Variants in USP49 observed in about 807,000 individuals in gnomAD.
The protein encoded by USP49 is ubiquitin carboxyl-terminal hydrolase 49.
Under a neutral mutation model 58.6 loss-of-function variants are expected in USP49, and 24 were observed. The observed-to-expected ratio is 0.41, with a 90% CI of 0.30 to 0.58. The LOEUF is 0.58. Among genes scored for constraint, USP49 ranks in the 20% least tolerant of loss-of-function variants. The pLI is 0.30. For synonymous variants in USP49, 408 were observed against 365.1 expected (o/e 1.12, Z -1.34); for missense variants, 703 against 866.1 (o/e 0.81, Z 2.36).
intron 3 of USP49, among the ~76,000 whole-genome samples, chr6:41,836,707 C>T (rs892815505): frequency 1.3e-5 from 2 of 152,034 alleles, no homozygotes; most frequent in African/African-American, 4.8e-5. Flanking sequence ...TAGTATCTGG[C>T]CAAAAGATCC....
rs1772872920 is a variant in USP49 at position 41,795,632 on chromosome 6, C to G, written c.*901G>C. On this transcript the variant is annotated 3_prime_UTR_variant, in exon 8 of 8. Coordinates refer to ENST00000682992, the MANE Select transcript of USP49 (RefSeq NM_001286554.2). ...GAAGTGAGAACGGGTGACAGGCCTT[C>G]AATAAGCCCTGGAGCATCAGCTATC... 6.6e-6 allele frequency: 1 copy of G among 152,206 alleles called. No homozygotes were observed. Among genetic ancestry groups the G allele is most frequent in the South Asian group, 2.1e-4 (1 of 4,830 alleles). 9.4% of individuals were successfully genotyped at this position (152,206 alleles called of 1,614,324 possible). A position where few individuals can be genotyped will look rare whatever the true frequency, so the allele number is the denominator to read the frequency against.
intron 3 of USP49, among the ~76,000 whole-genome samples, chr6:41,846,876 A>G (rs994345476): frequency 2.0e-5 from 3 of 152,208 alleles, no homozygotes; most frequent in African/African-American, 7.2e-5. Context: ...TCTATCTCAT[A>G]TGACTCAGAA....
chr6:41,802,472 T>A (rs57743147), intron 5 of USP49, among the ~76,000 whole-genome samples: 72 of 69,044 alleles, frequency 1.0e-3, no homozygotes, highest in East Asian at 6.1e-3. Flanking sequence ...TTATTTATTT[T>A]TTATTTATTT....
intron 2 of USP49, among the ~76,000 whole-genome samples, chr6:41,891,332 T>G (rs1031530555): frequency 6.6e-6 from 1 of 152,258 alleles, no homozygotes; most frequent in African/African-American, 2.4e-5. Flanking sequence ...TAGTATTATT[T>G]GTAATATAAG....
chr6:41,870,993 G>A (rs1774403886), intron 3 of USP49, among the ~76,000 whole-genome samples: 1 of 152,014 alleles, frequency 6.6e-6, no homozygotes, highest in Admixed American at 6.6e-5. Context: ...AGAGGTTGCA[G>A]TGAGCCACGA....
At chr6:41,872,089 C>T (rs1024413137) in intron 2 of USP49, among the ~76,000 whole-genome samples, 66 of 152,156 alleles carry the variant, frequency 4.3e-4, no homozygotes, top group Non-Finnish European at 7.3e-5. Flanking sequence ...GGTTTATGAC[C>T]TATATGTAAG....
intron 2 of USP49, among the ~76,000 whole-genome samples, chr6:41,879,972 T>C (rs1774574655): frequency 6.6e-6 from 1 of 152,314 alleles, no homozygotes; most frequent in East Asian, 1.9e-4. Flanking sequence ...CAGCCAAAGC[T>C]ATACTTTTAA....
intron 3 of USP49, among the ~76,000 whole-genome samples, chr6:41,860,324 G>C (rs1212908613): frequency 1.3e-5 from 2 of 151,164 alleles, no homozygotes; most frequent in African/African-American, 2.4e-5. Flanking sequence ...GAGAGACAGA[G>C]AGAAAAATAA....
At chr6:41,884,335 C>T (rs1774670843) in intron 2 of USP49, among the ~76,000 whole-genome samples, 1 of 152,144 alleles carries the variant, frequency 6.6e-6, no homozygotes, top group Non-Finnish European at 1.5e-5. Flanking sequence ...TAACATAGAT[C>T]TTAAAACATA....
rs1044423171 is a variant in USP49, at chr6:41,850,461, A to T, written c.-29+21103T>A. On this transcript the variant is annotated intron_variant, in intron 3 of 7. Transcript: ENST00000682992. The stretch of plus-strand genomic sequence containing the variant: ...CAGCCTCTAAGGAAAGAAAAAAAAA[A>T]AAAATAAATAAATAAATAATATAAA... Among the ~76,000 whole-genome samples the T allele has an allele frequency of 5.0e-4, 76 of 151,182 alleles. 2 individuals carry two copies. Among genetic ancestry groups the T allele is most frequent in the South Asian group, 4.2e-4 (2 of 4,796 alleles).
At chr6:41,881,846 AAATAAT>A (rs1489824319) in intron 2 of USP49, among the ~76,000 whole-genome samples, 1 of 152,162 alleles carries the variant, frequency 6.6e-6, no homozygotes, top group Non-Finnish European at 1.5e-5. Flanking sequence ...TCCTCCAGTT[AAATAAT>A]AATAAAATAA....
rs1247372879 is a variant in USP49, at chr6:41,793,257, GT to G, written c.*3275del. Reference sequence around the variant, plus strand: ...ATCTGGAAATTCTTTTTTTTTTTTTGTTTTTGTTTTTGTTTTTTTTTTAAGA... The same window carrying G: ...ATCTGGAAATTCTTTTTTTTTTTTTGTTTTGTTTTTGTTTTTTTTTTAAGA... On this transcript the variant is annotated 3_prime_UTR_variant, in exon 8 of 8. Transcript: ENST00000682992. 50 of 148,472 alleles carry G rather than the reference GT, an allele frequency of 3.4e-4. No individual in the cohort carries two copies. Among genetic ancestry groups the G allele is most frequent in the African/African-American group, 7.9e-4 (31 of 39,338 alleles). 9.2% of individuals were successfully genotyped at this position (148,472 alleles called of 1,614,324 possible).
intron 3 of USP49, among the ~76,000 whole-genome samples, chr6:41,860,458 A>G (rs1297388598): frequency 6.6e-6 from 1 of 152,124 alleles, no homozygotes; most frequent in East Asian, 1.9e-4. Flanking sequence ...AGAAATTACT[A>G]TCAGTTTTTA....
Position 41,806,635 on chromosome 6 carries a change from G to A in USP49, c.349C>T (p.Leu117=). 1 of 1,613,168 alleles carries A rather than the reference G, an allele frequency of 6.2e-7. No individual in the cohort carries two copies. Among genetic ancestry groups the A allele is most frequent in the Non-Finnish European group, 8.5e-7 (1 of 1,179,922 alleles). ...QDTPVRRGRT[L]RSMASGEDVV... is the part of the protein sequence containing the mutation. ...TCCTCACCCGAAGCCATGGACCGCA[G>A]CGTCCGCCCACGTCTCACCGGCGTG... The change falls in exon 4 of 8, where the codon CTG becomes TTG. Residue 117 remains leucine (L), a synonymous_variant. Transcript: ENST00000682992. This position sits in a 1 kb window ranked among gnomAD's most constrained non-coding sequence, Gnocchi z 5.9.
At chr6:41,864,495 G>A (rs1301716509) in intron 3 of USP49, among the ~76,000 whole-genome samples, 6 of 152,122 alleles carry the variant, frequency 3.9e-5, no homozygotes, top group African/African-American at 9.7e-5. Flanking sequence ...CCTGGGAGGC[G>A]GAGGTTGCCG....
At position 41,795,052 on chromosome 6, in the gene USP49, C is replaced by A. The variant is rs1772864018; in HGVS notation, c.*1481G>T. On this transcript the variant is annotated 3_prime_UTR_variant, in exon 8 of 8. Coordinates refer to ENST00000682992, the MANE Select transcript of USP49 (RefSeq NM_001286554.2). Reference sequence around the variant, plus strand: ...GGCTTTCCCCACTTCCCACTCCTCCCCGAACGCCCTTCCACATCTACTCCC... The same window carrying A: ...GGCTTTCCCCACTTCCCACTCCTCCACGAACGCCCTTCCACATCTACTCCC... 6.6e-6 allele frequency: 1 copy of A among 152,242 alleles called. No individual in the cohort carries two copies. Among genetic ancestry groups the A allele is most frequent in the Admixed American group, 6.5e-5 (1 of 15,280 alleles). The allele number at this position is 152,242 out of a possible 1,614,324, so 9.4% of individuals were successfully genotyped here.
chr6:41,850,757 C>T (rs1417864402), intron 3 of USP49, among the ~76,000 whole-genome samples: 2 of 151,724 alleles, frequency 1.3e-5, no homozygotes, highest in African/African-American at 2.4e-5. Flanking sequence ...GGTGCGCCAC[C>T]ACGCCCAGCT....
intron 3 of USP49, chr6:41,832,822 T>C (rs1343259508): frequency 1.3e-5 from 2 of 152,208 alleles, no homozygotes; most frequent in Admixed American, 6.5e-5. Flanking sequence ...TAATTGGATG[T>C]CTTAAATCTT....
chr6:41,862,293 C>T (rs141654502), intron 3 of USP49, among the ~76,000 whole-genome samples: 110 of 152,282 alleles, frequency 7.2e-4, no homozygotes, highest in African/African-American at 2.5e-3. Context: ...CCTAATTACC[C>T]ACCAGTAGTA....
Sources: allele counts gnomAD v4.1 joint callset (sites outside exome capture counted in the v4.1 genomes callset), GRCh38; gene constraint gnomAD v4.1.1; non-coding constraint Gnocchi (gnomAD v3.1); transcripts MANE v1.5; gene names NCBI Gene and HGNC (gene_info 2026-07-23, HGNC 2026-07-21).